Variants in CNTNAP2 observed in about 807,000 individuals in gnomAD.
The protein encoded by CNTNAP2 is contactin-associated protein-like 2.
Under a neutral mutation model 155.2 loss-of-function variants are expected in CNTNAP2, and 98 were observed. The ratio of observed to expected loss-of-function variants is 0.63; its 90% CI spans 0.54 to 0.75. The LOEUF (loss-of-function observed/expected upper bound fraction) is 0.75, where lower values mean the gene tolerates loss of function less well. CNTNAP2 is among the 30% of genes least tolerant of loss of function. The pLI is 0.00. For missense variants in CNTNAP2, 1,727 were observed against 1,688.1 expected, an observed-to-expected ratio of 1.02 and a Z score of -0.40; for synonymous variants, 651 against 631.2, an observed-to-expected ratio of 1.03 and a Z score of -0.47.
chr7:148,268,835 G>A (rs1485657276), intron 21 of CNTNAP2, among the ~76,000 whole-genome samples: 2 of 151,808 alleles, frequency 1.3e-5, no homozygotes, highest in Non-Finnish European at 2.9e-5. Flanking sequence ...TTAAATAACC[G>A]GGCCACCTGG....
At chr7:146,345,560 C>T (rs1438011892) in intron 1 of CNTNAP2, among the ~76,000 whole-genome samples, 1 of 152,162 alleles carries the variant, frequency 6.6e-6, no homozygotes, top group African/African-American at 2.4e-5. Flanking sequence ...CTCATTCTTA[C>T]ACCCACACAA....
At chr7:146,973,273 C>T (rs1235789862) in intron 3 of CNTNAP2, among the ~76,000 whole-genome samples, 1 of 152,154 alleles carries the variant, frequency 6.6e-6, no homozygotes, top group Non-Finnish European at 1.5e-5. Flanking sequence ...GGTGATCCAC[C>T]CGCCTCAGCC....
chr7:146,221,121 C>T (rs947109797), intron 1 of CNTNAP2, among the ~76,000 whole-genome samples: 10 of 152,278 alleles, frequency 6.6e-5, no homozygotes, highest in African/African-American at 2.4e-4. Flanking sequence ...TCTGAATGGA[C>T]CCTGCAGGTC....
intron 1 of CNTNAP2, among the ~76,000 whole-genome samples, chr7:146,393,551 G>A (rs1226573540): frequency 2.0e-5 from 3 of 152,130 alleles, no homozygotes; most frequent in Non-Finnish European, 4.4e-5. Context: ...ACCTGAAACA[G>A]CCTATCTAAT....
At chr7:147,316,140 CATATG>C (rs1207536933) in intron 9 of CNTNAP2, among the ~76,000 whole-genome samples, 3 of 151,914 alleles carry the variant, frequency 2.0e-5, no homozygotes, top group African/African-American at 7.3e-5. Context: ...ATTGCTGTGT[CATATG>C]ATAAGTCTAT....
At chr7:147,717,770 T>G (rs192272548) in intron 13 of CNTNAP2, among the ~76,000 whole-genome samples, 1 of 152,016 alleles carries the variant, frequency 6.6e-6, no homozygotes. Context: ...GCTTATAGTT[T>G]TAGCTGCTCA....
intron 10 of CNTNAP2, among the ~76,000 whole-genome samples, chr7:147,439,146 C>A (rs1797599135): frequency 6.6e-6 from 1 of 151,642 alleles, no homozygotes; most frequent in African/African-American, 2.4e-5. Context: ...TTGGTTTGTT[C>A]CTGCTTTTCC....
Position 147,977,889 on chromosome 7 carries a change from C to T in CNTNAP2, c.2283C>T (p.Tyr761=), listed in dbSNP as rs1316260398. Residue 761 remains tyrosine, a synonymous_variant, in exon 15 of 24, where the codon TAC becomes TAT. Transcript: ENST00000361727. ...QWRKDAGFLS[Y]KDHLPVSQVV... ...GGAAGGATGCTGGTTTCTTATCATA[C>T]AAAGATCACCTGCCAGTGAGCCAAG... 4 of 1,614,082 alleles carry T rather than the reference C, an allele frequency of 2.5e-6. No individual in the cohort carries two copies. Among genetic ancestry groups the T allele is most frequent in the Non-Finnish European group, 3.4e-6 (4 of 1,180,002 alleles).
chr7:147,799,147 G>C (rs1210141336), intron 13 of CNTNAP2, among the ~76,000 whole-genome samples: 7 of 152,162 alleles, frequency 4.6e-5, no homozygotes, highest in Non-Finnish European at 1.0e-4. Context: ...GCAGTTCTGT[G>C]AGTCACTTCT....
rs796052387 is a variant in CNTNAP2, at chr7:148,415,569, A to C, written c.3949A>C (p.Asn1317His). ...CGCCGCCATCATGAACAACGACCCC[A>C]ACTTCACAGAGACCATTGATGAAAG... is the stretch of plus-strand genomic sequence containing the variant. ...ADAAIMNNDP[N>H]FTETIDESKK... The change falls in exon 24 of 24, where the codon AAC (asparagine) becomes CAC (histidine). Residue 1317 changes from asparagine to histidine, a missense_variant. Transcript: ENST00000361727. 1 of 1,614,226 alleles carries C rather than the reference A, an allele frequency of 6.2e-7. No homozygotes were observed. The highest frequency in any genetic ancestry group is 8.5e-7 in the Non-Finnish European group (1 of 1,180,034).
chr7:148,154,607 G>A (rs1400962382), intron 17 of CNTNAP2, among the ~76,000 whole-genome samples: 1 of 152,124 alleles, frequency 6.6e-6, no homozygotes, highest in Non-Finnish European at 1.5e-5. Context: ...TGAATAAAAT[G>A]GCTGTTTCTC....
intron 1 of CNTNAP2, among the ~76,000 whole-genome samples, chr7:146,631,792 C>T (rs1378252935): frequency 6.6e-6 from 1 of 152,118 alleles, no homozygotes; most frequent in African/African-American, 2.4e-5. Flanking sequence ...AAGAATCTCT[C>T]ACTTACATAC....
intron 13 of CNTNAP2, among the ~76,000 whole-genome samples, chr7:147,883,599 T>C (rs983366476): frequency 1.3e-5 from 2 of 152,200 alleles, no homozygotes; most frequent in Admixed American, 6.5e-5. Context: ...TATTCTTTAA[T>C]CAACTGACAC....
At chr7:146,960,620 C>A (rs112180826) in intron 3 of CNTNAP2, among the ~76,000 whole-genome samples, 4,898 of 152,298 alleles carry the variant, frequency 0.032, 114 homozygotes, top group Middle Eastern at 0.082. Context: ...TATCAACAAT[C>A]TGAGATGCAT....
chr7:147,135,695 A>T (rs1801464243), intron 8 of CNTNAP2, among the ~76,000 whole-genome samples: 1 of 151,702 alleles, frequency 6.6e-6, no homozygotes, highest in Non-Finnish European at 1.5e-5. Flanking sequence ...AAACCTACTG[A>T]CACAAAGTTT....
chr7:147,773,824 A>G (rs551251727), intron 13 of CNTNAP2, among the ~76,000 whole-genome samples: 3 of 152,016 alleles, frequency 2.0e-5, no homozygotes, highest in South Asian at 4.1e-4. Context: ...TTCCCATTAC[A>G]CTCAGAGTAA....
At chr7:147,851,074 A>C (rs1584990177) in intron 13 of CNTNAP2, among the ~76,000 whole-genome samples, 1 of 152,244 alleles carries the variant, frequency 6.6e-6, no homozygotes, top group Non-Finnish European at 1.5e-5. Flanking sequence ...ACAAATTTAC[A>C]AGAAAAAACA....
chr7:147,384,335 G>A (rs1796592745), intron 9 of CNTNAP2, among the ~76,000 whole-genome samples: 1 of 152,134 alleles, frequency 6.6e-6, no homozygotes, highest in Admixed American at 6.6e-5. Context: ...AATTCATATT[G>A]TTTTAATTTG....
intron 12 of CNTNAP2, among the ~76,000 whole-genome samples, chr7:147,603,976 A>G (rs944513160): frequency 6.6e-6 from 1 of 151,982 alleles, no homozygotes; most frequent in African/African-American, 2.4e-5. Flanking sequence ...TGGGGAAAGG[A>G]TTCCCTATTT....
Sources: gnomAD v4.1 joint callset for allele counts (sites outside exome capture counted in the v4.1 genomes callset) on GRCh38, gnomAD v4.1.1 for gene constraint, MANE v1.5 for transcripts, NCBI Gene and HGNC (gene_info 2026-07-23, HGNC 2026-07-21) for gene names.